EVC2: variants seen among roughly 807,000 people sequenced by gnomAD.
EVC2 encodes limbin.
In EVC2, 148 loss-of-function variants were observed where a neutral mutation model predicts 149.3. The observed-to-expected ratio is 0.99, with a 90% CI of 0.87 to 1.14. The LOEUF (loss-of-function observed/expected upper bound fraction) is 1.14, where lower values mean the gene tolerates loss of function less well. EVC2 is among the 50% of genes most tolerant of loss of function. EVC2 has a pLI of 0.00. For missense variants in EVC2, 1,854 were observed against 1,627.3 expected (o/e 1.14, Z -2.40); for synonymous variants, 776 against 649.9 (o/e 1.19, Z -2.95).
intron 12 of EVC2, among the ~76,000 whole-genome samples, chr4:5,627,017 G>T (rs1716168137): frequency 6.6e-6 from 1 of 152,144 alleles, no homozygotes. Context: ...TATATAGGAA[G>T]CTATTTGTAT....
At chr4:5,612,615 G>A (rs1327884832) in intron 16 of EVC2, among the ~76,000 whole-genome samples, 2 of 152,104 alleles carry the variant, frequency 1.3e-5, no homozygotes, top group Admixed American at 6.6e-5. Flanking sequence ...GGAAACAGAG[G>A]AGATGGATTA....
chr4:5,640,437 G>C lies in EVC2; in HGVS notation c.1470+77C>G. 6.4e-7 allele frequency: 1 copy of C among 1,567,232 alleles called. No homozygotes were observed. On this transcript the variant is annotated intron_variant, in intron 10 of 21. Coordinates refer to ENST00000344408, the MANE Select transcript of EVC2 (RefSeq NM_147127.5). The surrounding 1 kb of genome is among the most constrained non-coding windows in gnomAD (Gnocchi z 4.6). Reference sequence around the variant, plus strand: ...GACGGATGGAGGAGGCAAATGGACAGATGAGTGGGTAGATGGATAAATGAC... The same window carrying C: ...GACGGATGGAGGAGGCAAATGGACACATGAGTGGGTAGATGGATAAATGAC...
chr4:5,699,256 C>T (rs1186613097), intron 1 of EVC2, among the ~76,000 whole-genome samples: 2 of 152,180 alleles, frequency 1.3e-5, no homozygotes, highest in Non-Finnish European at 2.9e-5. Flanking sequence ...CAAACCCACC[C>T]CAGCATTCCC....
chr4:5,565,125 G>T, intron 21 of EVC2, 133 bp downstream of exon 21: 1 of 805,376 alleles, frequency 1.2e-6, no homozygotes, highest in Non-Finnish European at 2.2e-6. Flanking sequence ...AAAGATTTGT[G>T]GTCTTCAGGG....
rs1028011077 is a variant in EVC2, at chr4:5,636,733, C to T, written c.1470+3781G>A. On this transcript the variant is annotated intron_variant, in intron 10 of 21. Coordinates refer to ENST00000344408, the MANE Select transcript of EVC2 (RefSeq NM_147127.5). The surrounding 1 kb of genome is among the most constrained non-coding windows in gnomAD (Gnocchi z 4.6). ...TGACTGTACTGTACTAAACTTTACT[C>T]AGGAAAGCTGATACTGCTCCTTTTG... 7.2e-5 allele frequency among the ~76,000 whole-genome samples: 11 copies of T among 152,066 alleles called. No individual in the cohort carries two copies. Among genetic ancestry groups the T allele is most frequent in the Non-Finnish European group, 2.9e-5 (2 of 68,006 alleles).
At chr4:5,702,215 C>A (rs1403023366) in intron 1 of EVC2, among the ~76,000 whole-genome samples, 3 of 152,270 alleles carry the variant, frequency 2.0e-5, no homozygotes, top group East Asian at 3.9e-4. Flanking sequence ...ACCTTCCCTG[C>A]CCATCCTGTC....
At chr4:5,608,154 C>G (rs370535092) in intron 16 of EVC2, among the ~76,000 whole-genome samples, 17 of 152,258 alleles carry the variant, frequency 1.1e-4, no homozygotes, top group African/African-American at 4.1e-4. Flanking sequence ...AGAGTCCAGA[C>G]AAGGGCCATA....
chr4:5,573,816 G>T (rs1441512456), intron 19 of EVC2, among the ~76,000 whole-genome samples: 2 of 152,120 alleles, frequency 1.3e-5, no homozygotes, highest in South Asian at 4.1e-4. Flanking sequence ...CTTAGAGGCT[G>T]GGGGGCAAAG....
At chr4:5,707,673 T>G (rs1351941925) in intron 1 of EVC2, among the ~76,000 whole-genome samples, 1 of 151,614 alleles carries the variant, frequency 6.6e-6, no homozygotes, top group African/African-American at 2.4e-5. Context: ...CCGAGCTGAT[T>G]TGGAGGAAAA....
intron 9 of EVC2, among the ~76,000 whole-genome samples, chr4:5,661,998 T>G (rs1718906534): frequency 6.6e-6 from 1 of 152,220 alleles, no homozygotes; most frequent in African/African-American, 2.4e-5. Context: ...ATGATGTTAA[T>G]ATTCATTAAC....
intron 16 of EVC2, among the ~76,000 whole-genome samples, chr4:5,608,569 G>A (rs903472703): frequency 5.3e-5 from 8 of 151,766 alleles, no homozygotes; most frequent in Admixed American, 6.6e-5. Context: ...AGTCTCGGTC[G>A]GTCGTCCAGG....
intron 11 of EVC2, among the ~76,000 whole-genome samples, chr4:5,630,851 T>G (rs763306818): frequency 6.6e-6 from 1 of 152,180 alleles, no homozygotes; most frequent in South Asian, 2.1e-4. Context: ...ACAGTCGGAA[T>G]AGAAAATTCC....
the EVC2 span, among the ~76,000 whole-genome samples, chr4:5,536,045 A>T: frequency 6.6e-6 from 1 of 151,344 alleles, no homozygotes; most frequent in Admixed American, 6.6e-5. Context: ...ATCTGCTTGG[A>T]TTCCTGTGCT....
At chr4:5,535,828 C>A in the EVC2 span, among the ~76,000 whole-genome samples, 1 of 152,070 alleles carries the variant, frequency 6.6e-6, no homozygotes, top group Non-Finnish European at 1.5e-5. The surrounding 1 kb of genome is among the most constrained non-coding windows in gnomAD (Gnocchi z 4.7). Context: ...GAGCAGAAAT[C>A]ATTAGGAGGG....
intron 9 of EVC2, among the ~76,000 whole-genome samples, chr4:5,644,109 G>T (rs73065604): frequency 0.021 from 3,213 of 152,106 alleles, 116 homozygotes; most frequent in African/African-American, 0.073. Flanking sequence ...AGGGAAGTCA[G>T]GCCACCATCC....
At chr4:5,626,952 G>A (rs1166505336) in intron 12 of EVC2, among the ~76,000 whole-genome samples, 1 of 152,186 alleles carries the variant, frequency 6.6e-6, no homozygotes, top group East Asian at 1.9e-4. Flanking sequence ...CCAGCTTGCA[G>A]GCAGCAGACA....
intron 2 of EVC2, among the ~76,000 whole-genome samples, chr4:5,697,186 C>T (rs1211087666): frequency 6.6e-6 from 1 of 152,192 alleles, no homozygotes; most frequent in Non-Finnish European, 1.5e-5. Flanking sequence ...CAGACAGACA[C>T]CTTGACTTTG....
chr4:5,562,458 T>C lies in EVC2; in HGVS notation c.*390A>G. 2 of 1,069,422 alleles carry C rather than the reference T, an allele frequency of 1.9e-6. No individual in the cohort carries two copies. Among genetic ancestry groups the C allele is most frequent in the Non-Finnish European group, 2.3e-6 (2 of 878,192 alleles). 66.2% of individuals were successfully genotyped at this position (1,069,422 alleles called of 1,614,324 possible). A position where few individuals can be genotyped will look rare whatever the true frequency, so the allele number is the denominator to read the frequency against. ...AACAGCTTTGTGCAAAACACATTTA[T>C]TTTTTAAAATTCCCTTTATAAAAAT... On this transcript the variant is annotated 3_prime_UTR_variant, in exon 22 of 22. Coordinates refer to ENST00000344408, the MANE Select transcript of EVC2 (RefSeq NM_147127.5). The surrounding 1 kb of genome is among the most constrained non-coding windows in gnomAD (Gnocchi z 4.3).
At chr4:5,620,806 A>T (rs1287041628) in intron 14 of EVC2, among the ~76,000 whole-genome samples, 2 of 152,196 alleles carry the variant, frequency 1.3e-5, no homozygotes, top group African/African-American at 4.8e-5. Flanking sequence ...GTTGAAGAAA[A>T]TGACCAGCTG....
Sources: allele counts gnomAD v4.1 joint callset (sites outside exome capture counted in the v4.1 genomes callset), GRCh38; gene constraint gnomAD v4.1.1; non-coding constraint Gnocchi (gnomAD v3.1); transcripts MANE v1.5; gene names NCBI Gene and HGNC (gene_info 2026-07-23, HGNC 2026-07-21).